The following RANBP3 variants were observed in gnomAD, a reference collection of about 807,000 sequenced individuals.
RANBP3 encodes the protein RAN binding protein 3.
RANBP3 carries 14 observed loss-of-function variants against 77.3 expected under a neutral mutation model. That is an observed-to-expected ratio of 0.18 (90% confidence interval 0.12 to 0.28). RANBP3 has a LOEUF of 0.28. Ranked by LOEUF, RANBP3 falls within the 10% of genes least tolerant of loss-of-function variation. The pLI, the probability that RANBP3 is intolerant of heterozygous loss-of-function variation, is 1.00. For missense variants in RANBP3, 586 were observed against 752.3 expected, an observed-to-expected ratio of 0.78 and a Z score of 2.59; for synonymous variants, 315 against 312.4, an observed-to-expected ratio of 1.01 and a Z score of -0.09.
rs900051509 is a variant in RANBP3, at chr19:5,958,487, G to C, written c.23-514C>G. ...AAGTGAGTGCTGGTTGGGAGGAAAG[G>C]ATGTCTGGAGTTGCTAGAGGCCTGA... On this transcript the variant is annotated intron_variant, in intron 1 of 16. Transcript: ENST00000340578. The surrounding 1 kb of genome is among the most constrained non-coding windows in gnomAD (Gnocchi z 4.4). Among the ~76,000 whole-genome samples the C allele has an allele frequency of 6.6e-6, 1 of 152,262 alleles. No homozygotes were observed. The highest frequency in any genetic ancestry group is 2.4e-5 in the African/African-American group (1 of 41,472).
At position 5,951,550 on chromosome 19, in the gene RANBP3, C is replaced by T. The variant is rs765542653; in HGVS notation, c.125G>A (p.Arg42Gln). ...KNLSDSGEEP[R>Q]GEAEAPHHGT... ...ATGGTGGGGGGCCTCAGCCTCCCCCCGAGGCTCCTCTCCCGAATCCGACAA... is the reference window on the plus strand; with the variant it reads ...ATGGTGGGGGGCCTCAGCCTCCCCCTGAGGCTCCTCTCCCGAATCCGACAA... Residue 42 changes from arginine (R) to glutamine (Q), a missense_variant, in exon 3 of 17, where the codon CGG becomes CAG. Around this residue, in one of 5 missense-constraint regions of RANBP3, gnomAD observed 172 missense variants for 183.4 expected, o/e 0.94. Transcript: ENST00000340578. The T allele has an allele frequency of 6.2e-6, 10 of 1,612,960 alleles. No homozygotes were observed. The highest frequency in any genetic ancestry group is 3.3e-5 in the South Asian group (3 of 90,894).
intron 3 of RANBP3, among the ~76,000 whole-genome samples, chr19:5,944,445 T>A (rs374910026): frequency 6.6e-6 from 1 of 152,298 alleles, no homozygotes; most frequent in East Asian, 1.9e-4. Flanking sequence ...GTGACAGAAG[T>A]ACAGAGAAGC....
In RANBP3 at chr19:5,924,951, T is replaced by C. The variant is rs1418240108; in HGVS notation, c.918-46A>G. The C allele has an allele frequency of 6.4e-7, 1 of 1,554,736 alleles. No individual in the cohort carries two copies. The highest frequency in any genetic ancestry group is 1.1e-5 in the South Asian group (1 of 89,880). Reference sequence around the variant, plus strand: ...GAGTGTGGGGCGTCACGTGGGAACGTGGCCAGGCAAATGTATGGGTACCCA... The same window carrying C: ...GAGTGTGGGGCGTCACGTGGGAACGCGGCCAGGCAAATGTATGGGTACCCA... On this transcript the variant is annotated intron_variant, in intron 10 of 16. Coordinates refer to ENST00000340578, the MANE Select transcript of RANBP3 (RefSeq NM_007322.3). This position sits in a 1 kb window ranked among gnomAD's most constrained non-coding sequence, Gnocchi z 4.7.
At position 5,917,763 on chromosome 19, in the gene RANBP3, T is replaced by C. The variant is rs1568441960; in HGVS notation, c.1660+31A>G. 3 of 1,588,508 alleles carry C rather than the reference T, an allele frequency of 1.9e-6. No homozygotes were observed. The Admixed American group carries it at 5.1e-5, about 27-fold the overall frequency. On this transcript the variant is annotated intron_variant, in intron 16 of 16. Coordinates refer to ENST00000340578, the MANE Select transcript of RANBP3 (RefSeq NM_007322.3). Reference sequence around the variant, plus strand: ...CAAGGATGGCGGGCAGCTCTTTCTATCCCCCCCAGGGTAGGGACCACCCGA... The same window carrying C: ...CAAGGATGGCGGGCAGCTCTTTCTACCCCCCCCAGGGTAGGGACCACCCGA...
chr19:5,943,166 G>C (rs2058161543), intron 3 of RANBP3, among the ~76,000 whole-genome samples: 1 of 152,324 alleles, frequency 6.6e-6, no homozygotes, highest in East Asian at 1.9e-4. Flanking sequence ...CTCCCTGCAA[G>C]AGCAAGCAGA....
chr19:5,930,611 C>T (rs1192215412), intron 8 of RANBP3, among the ~76,000 whole-genome samples: 1 of 152,148 alleles, frequency 6.6e-6, no homozygotes, highest in East Asian at 1.9e-4. Context: ...CTCTGTCGTC[C>T]AGGCTGGAAT....
chr19:5,933,200 C>T (rs919576155), intron 6 of RANBP3: 6 of 503,074 alleles, frequency 1.2e-5, no homozygotes, highest in Admixed American at 1.1e-4. Flanking sequence ...GCCACCACTG[C>T]CCACTTTTCT....
At chr19:5,941,549 C>T (rs1312232225) in intron 5 of RANBP3, 72 bp downstream of exon 5, 20 of 1,311,792 alleles carry the variant, frequency 1.5e-5, no homozygotes, top group East Asian at 4.6e-5. Context: ...CAGACGGATG[C>T]GCGGCACTGA....
chr19:5,942,289 T>C (rs1415199422), intron 3 of RANBP3, among the ~76,000 whole-genome samples: 2 of 152,190 alleles, frequency 1.3e-5, no homozygotes, highest in Admixed American at 6.5e-5. Flanking sequence ...CATTCTACCA[T>C]GCACATGCTT....
chr19:5,924,940 A>G lies in RANBP3; in HGVS notation c.918-35T>C. 6.3e-7 allele frequency: 1 copy of G among 1,578,558 alleles called. No individual in the cohort carries two copies. The highest frequency in any genetic ancestry group is 8.7e-7 in the Non-Finnish European group (1 of 1,147,734). The stretch of plus-strand genomic sequence containing the variant: ...AGATGTGCAATGAGTGTGGGGCGTC[A>G]CGTGGGAACGTGGCCAGGCAAATGT... On this transcript the variant is annotated intron_variant, in intron 10 of 16. Coordinates refer to ENST00000340578, the MANE Select transcript of RANBP3 (RefSeq NM_007322.3). This position sits in a 1 kb window ranked among gnomAD's most constrained non-coding sequence, Gnocchi z 4.7.
At chr19:5,948,452 CA>C (rs113674051) in intron 3 of RANBP3, among the ~76,000 whole-genome samples, 2,056 of 108,542 alleles carry the variant, frequency 0.019, 12 homozygotes, top group Middle Eastern at 0.041. Flanking sequence ...GACTCCATGT[CA>C]AAAAAAAAAA....
chr19:5,971,244 G>C (rs894902101), intron 1 of RANBP3, among the ~76,000 whole-genome samples: 2 of 152,042 alleles, frequency 1.3e-5, no homozygotes, highest in Non-Finnish European at 2.9e-5. Flanking sequence ...TGAAAAATAA[G>C]TATTTAAAAA....
Position 5,917,534 on chromosome 19 carries a change from C to CGGTGG in RANBP3, c.*71_*75dup. ...TCCCGGCCCCGCACCTGGACGCTGC[C>CGGTGG]GGTGGGGTGGGGGCGGGTGGGCGGG... is the stretch of plus-strand genomic sequence containing the variant. On this transcript the variant is annotated 3_prime_UTR_variant, in exon 17 of 17. Transcript: ENST00000340578. The CGGTGG allele has an allele frequency of 8.9e-6, 12 of 1,346,794 alleles. No individual in the cohort carries two copies. The South Asian group carries it at 1.4e-4, about 16-fold the overall frequency. 83.4% of individuals were successfully genotyped at this position (1,346,794 alleles called of 1,614,324 possible).
intron 8 of RANBP3, among the ~76,000 whole-genome samples, chr19:5,931,201 C>T (rs1311083438): frequency 6.6e-6 from 1 of 152,198 alleles, no homozygotes; most frequent in African/African-American, 2.4e-5. Flanking sequence ...CCAGCAAGAC[C>T]ACCCTTGGGA....
At chr19:5,966,050 G>C (rs2058464510) in intron 1 of RANBP3, 2 of 152,252 alleles carry the variant, frequency 1.3e-5, no homozygotes, top group African/African-American at 4.8e-5. Context: ...CCACTCCGCT[G>C]CTGGCCAAGA....
At position 5,957,903 on chromosome 19, in the gene RANBP3, G is replaced by T. The variant is rs199789131; in HGVS notation, c.78+15C>A. The T allele has an allele frequency of 1.2e-6, 2 of 1,613,664 alleles. No individual in the cohort carries two copies. The highest frequency in any genetic ancestry group is 2.2e-5 in the South Asian group (2 of 91,038). ...TAGAGTAACGAAGTGAAGAGAGAAC[G>T]TACCGGCCCCTTACCTTTTGTCCTT... On this transcript the variant is annotated intron_variant, in intron 2 of 16. Coordinates refer to ENST00000340578, the MANE Select transcript of RANBP3 (RefSeq NM_007322.3).
At chr19:5,935,270 G>C (rs929272445) in intron 5 of RANBP3, among the ~76,000 whole-genome samples, 1 of 152,200 alleles carries the variant, frequency 6.6e-6, no homozygotes, top group Admixed American at 6.5e-5. Context: ...AGTTGTATGA[G>C]GGAGTCCAGC....
rs768684052 is a variant in RANBP3, at chr19:5,959,472, G to T, written c.23-1499C>A. Among the ~76,000 whole-genome samples, 6 of 151,976 alleles carry T rather than the reference G, an allele frequency of 3.9e-5. No individual in the cohort carries two copies. The highest frequency in any genetic ancestry group is 7.4e-5 in the Non-Finnish European group (5 of 67,986). On this transcript the variant is annotated intron_variant, in intron 1 of 16. Coordinates refer to ENST00000340578, the MANE Select transcript of RANBP3 (RefSeq NM_007322.3). This position sits in a 1 kb window ranked among gnomAD's most constrained non-coding sequence, Gnocchi z 5.1. ...CCCCCACCATGCTCCCCGAAGCCTC[G>T]GCACACCAGGGTCTGATTCACCGTG...
chr19:5,944,246 G>A (rs1216050123), intron 3 of RANBP3, among the ~76,000 whole-genome samples: 1 of 152,222 alleles, frequency 6.6e-6, no homozygotes, highest in Admixed American at 6.5e-5. Flanking sequence ...GGGAGTCAGG[G>A]GTGTGGAGTG....
Sources: gnomAD v4.1 joint callset for allele counts (sites outside exome capture counted in the v4.1 genomes callset) on GRCh38, gnomAD v4.1.1 for gene constraint, gnomAD v4.1.1 regional missense constraint, Gnocchi (gnomAD v3.1) non-coding constraint, MANE v1.5 for transcripts, NCBI Gene and HGNC (gene_info 2026-07-23, HGNC 2026-07-21) for gene names.